The following PTGFRN variants were observed in gnomAD, a reference collection of about 807,000 sequenced individuals.
PTGFRN encodes the protein prostaglandin F2 receptor inhibitor.
A neutral mutation model predicts 83.2 loss-of-function variants in PTGFRN; 35 were observed. The ratio of observed to expected loss-of-function variants is 0.42; its 90% CI spans 0.32 to 0.56. The LOEUF is 0.56. PTGFRN is among the 20% of genes least tolerant of loss of function. The pLI, the probability that PTGFRN is intolerant of heterozygous loss-of-function variation, is 0.11. For synonymous variants in PTGFRN, 519 were observed against 498.6 expected, an observed-to-expected ratio of 1.04 and a Z score of -0.55; for missense variants, 1,051 against 1,179.5, an observed-to-expected ratio of 0.89 and a Z score of 1.60.
intron 3 of PTGFRN, among the ~76,000 whole-genome samples, chr1:116,945,851 G>A (rs1440950770): frequency 2.0e-5 from 3 of 150,810 alleles, no homozygotes; most frequent in Non-Finnish European, 4.4e-5. Flanking sequence ...ACATGGTCTT[G>A]TTGACTCATT....
At position 116,945,020 on chromosome 1, in the gene PTGFRN, G is replaced by A. The variant is rs532025214; in HGVS notation, c.760G>A (p.Ala254Thr). The change falls in exon 3 of 9, where the codon GCC becomes ACC. Residue 254 changes from alanine to threonine, a missense_variant. By Grantham distance (58) the Ala-to-Thr change is moderately conservative (BLOSUM62 0). Around this residue, in one of 3 missense-constraint regions of PTGFRN, gnomAD observed 719 missense variants for 836.6 expected, o/e 0.86. Coordinates refer to ENST00000393203, the MANE Select transcript of PTGFRN (RefSeq NM_020440.4). Reference protein sequence around the residue: ...SYRCIVSEWIAEQGNWQEIQE... With the variant: ...SYRCIVSEWITEQGNWQEIQE... The stretch of plus-strand genomic sequence containing the variant: ...CAGGTGTATCGTCAGCGAGTGGATC[G>A]CCGAGCAGGGCAACTGGCAGGAAAT... 13 of 1,613,864 alleles carry A rather than the reference G, an allele frequency of 8.1e-6. No homozygotes were observed. The highest frequency in any genetic ancestry group is 2.7e-5 in the African/African-American group (2 of 75,070).
At chr1:116,968,057 G>A (rs1650889850) in intron 6 of PTGFRN, among the ~76,000 whole-genome samples, 1 of 152,174 alleles carries the variant, frequency 6.6e-6, no homozygotes, top group Non-Finnish European at 1.5e-5. Context: ...CAAAGTGGAA[G>A]ATCTTTAACA....
At chr1:116,959,753 C>G (rs1650595517) in intron 4 of PTGFRN, among the ~76,000 whole-genome samples, 1 of 152,014 alleles carries the variant, frequency 6.6e-6, no homozygotes. Flanking sequence ...GTGGGCAGAT[C>G]ACTTGAGGTC....
chr1:116,985,281 G>A (rs556980561), intron 8 of PTGFRN, among the ~76,000 whole-genome samples: 6 of 152,306 alleles, frequency 3.9e-5, no homozygotes, highest in Non-Finnish European at 5.9e-5. Flanking sequence ...TATGGTGTCC[G>A]AGGGTTGGCA....
At chr1:116,924,031 G>C (rs1411599879) in intron 1 of PTGFRN, among the ~76,000 whole-genome samples, 2 of 152,096 alleles carry the variant, frequency 1.3e-5, no homozygotes, top group African/African-American at 4.8e-5. Context: ...TTAAAGAAAA[G>C]GGAGAGCATT....
At position 116,974,329 on chromosome 1, in the gene PTGFRN, T is replaced by C. The variant is rs1651085160; in HGVS notation, c.2167+6T>C. 7 of 1,578,114 alleles carry C rather than the reference T, an allele frequency of 4.4e-6. No homozygotes were observed. The South Asian group carries it at 7.8e-5, about 18-fold the overall frequency. ...GGGAGCAGCACTGGATCCAGGTACC[T>C]CACTCCATCCTCACCCCTTCACCAT... On this transcript the variant is annotated splice_donor_region_variant and intron_variant, in intron 7 of 8. Transcript: ENST00000393203.
At chr1:116,963,978 C>T (rs1004910154) in intron 5 of PTGFRN, among the ~76,000 whole-genome samples, 4 of 151,968 alleles carry the variant, frequency 2.6e-5, no homozygotes, top group Admixed American at 1.3e-4. Context: ...CAGGGTCTCA[C>T]TGTGTTGTCC....
At chr1:116,946,300 G>T (rs1017138729) in intron 3 of PTGFRN, among the ~76,000 whole-genome samples, 1 of 152,162 alleles carries the variant, frequency 6.6e-6, no homozygotes, top group African/African-American at 2.4e-5. Context: ...AAAAGTGGGT[G>T]GTGGAAAAGC....
At position 116,961,221 on chromosome 1, in the gene PTGFRN, G is replaced by A. The variant is rs1650651647; in HGVS notation, c.1214-22G>A. The A allele has an allele frequency of 6.7e-7, 1 of 1,498,948 alleles. No individual in the cohort carries two copies. The highest frequency in any genetic ancestry group is 1.4e-5 in the African/African-American group (1 of 71,394). 92.9% of individuals were successfully genotyped at this position (1,498,948 alleles called of 1,614,324 possible). A position where few individuals can be genotyped will look rare whatever the true frequency, so the allele number is the denominator to read the frequency against. On this transcript the variant is annotated intron_variant, in intron 4 of 8. Coordinates refer to ENST00000393203, the MANE Select transcript of PTGFRN (RefSeq NM_020440.4). The surrounding 1 kb of genome is among the most constrained non-coding windows in gnomAD (Gnocchi z 5.4). ...GTTACTCTAATTATTTTCCTATCCT[G>A]GCCTTTCTGTCTCTCGTTCAGAACC...
chr1:116,984,840 C>G lies in PTGFRN; in HGVS notation c.2328C>G (p.Phe776Leu). ...TGGAGCGCGTGAGTGTGCTGGAATT[C>G]TTGCTGCAAGTGCATGGCTCCGAGG... ...LSLERVSVLE[F>L]LLQVHGSEDQ... is the part of the protein sequence containing the mutation. The change falls in exon 8 of 9, where the codon TTC (phenylalanine) becomes TTG (leucine). Residue 776 changes from phenylalanine (F) to leucine (L), a missense_variant. Transcript: ENST00000393203. The G allele has an allele frequency of 6.2e-7, 1 of 1,614,076 alleles. No individual in the cohort carries two copies. Among genetic ancestry groups the G allele is most frequent in the South Asian group, 1.1e-5 (1 of 91,084 alleles).
chr1:116,949,545 C>T lies in PTGFRN; in HGVS notation c.1186C>T (p.Pro396Ser), dbSNP rs756123066. ...CAAAGTGGCAGAGGCCGTGTCTTCCCCAGCTGGTGTGGGTGTGACCTGGCT... is the reference window on the plus strand; with the variant it reads ...CAAAGTGGCAGAGGCCGTGTCTTCCTCAGCTGGTGTGGGTGTGACCTGGCT... Reference protein sequence around the residue: ...WHKVAEAVSSPAGVGVTWLEP... With the variant: ...WHKVAEAVSSSAGVGVTWLEP... Residue 396 changes from proline (P) to serine (S), a missense_variant, in exon 4 of 9, where the codon CCA becomes TCA. By Grantham distance (74) the Pro-to-Ser change is moderately conservative (BLOSUM62 -1). This residue lies in a region of PTGFRN where 719 missense variants were observed against 836.6 expected (regional missense o/e 0.86). Transcript: ENST00000393203. 1.5e-5 allele frequency: 25 copies of T among 1,613,450 alleles called. No homozygotes were observed. The highest frequency in any genetic ancestry group is 1.9e-5 in the Non-Finnish European group (22 of 1,179,946).
rs527277735 is a variant in PTGFRN at position 116,911,914 on chromosome 1, G to GTCAA, written c.49+1663_49+1666dup. Among the ~76,000 whole-genome samples the GTCAA allele has an allele frequency of 2.8e-4, 42 of 152,322 alleles. No individual in the cohort carries two copies. The East Asian group carries it at 7.7e-3, about 28-fold the overall frequency. On this transcript the variant is annotated intron_variant, in intron 1 of 8. Coordinates refer to ENST00000393203, the MANE Select transcript of PTGFRN (RefSeq NM_020440.4). ...ACATTAATTGACTTTATGTGTCTGG[G>GTCAA]TCAAGCAGGGCCATGGCCTAGGTTT...
At chr1:116,967,366 T>A (rs754673324) in intron 6 of PTGFRN, 36 bp downstream of exon 6, 1 of 1,572,388 alleles carries the variant, frequency 6.4e-7, no homozygotes, top group Non-Finnish European at 8.6e-7. Context: ...TAGGTGGAGC[T>A]AGAAGAGACC....
At position 116,941,292 on chromosome 1, in the gene PTGFRN, G is replaced by A. The variant is rs1356235271; in HGVS notation, c.50-423G>A. On this transcript the variant is annotated intron_variant, in intron 1 of 8. Transcript: ENST00000393203. This position sits in a 1 kb window ranked among gnomAD's most constrained non-coding sequence, Gnocchi z 5.0. ...TAAATCAGGTCTCAGGAGCCCCAGG[G>A]AATGGTCTCTAGGGATGAGGGCTGA... is the stretch of plus-strand genomic sequence containing the variant. 1.3e-5 allele frequency among the ~76,000 whole-genome samples: 2 copies of A among 152,212 alleles called. No homozygotes were observed. Among genetic ancestry groups the A allele is most frequent in the African/African-American group, 4.8e-5 (2 of 41,456 alleles).
rs560862452 is a variant in PTGFRN at position 116,921,974 on chromosome 1, A to G, written c.49+11722A>G. 1.9e-4 allele frequency among the ~76,000 whole-genome samples: 29 copies of G among 152,256 alleles called. No individual in the cohort carries two copies. The East Asian group carries it at 5.4e-3, about 28-fold the overall frequency. On this transcript the variant is annotated intron_variant, in intron 1 of 8. Coordinates refer to ENST00000393203, the MANE Select transcript of PTGFRN (RefSeq NM_020440.4). ...CAGAGGTGGGAGTAGATAAATGTGT[A>G]CAGGTTGGTGTCCCATTTGGGGATT...
intron 6 of PTGFRN, among the ~76,000 whole-genome samples, chr1:116,970,890 C>G (rs1650976462): frequency 6.6e-6 from 1 of 152,196 alleles, no homozygotes; most frequent in Admixed American, 6.5e-5. Context: ...GTATTAAAAA[C>G]CAAGGGGCCC....
rs761431637 is a variant in PTGFRN, at chr1:116,984,728, T to C, written c.2216T>C (p.Leu739Pro). ...VSWFAVHSFG[L>P]DKAPVLLSSL... ...TGGTTTGCGGTGCACTCTTTTGGCC[T>C]GGACAAGGCTCCTGTGCTCCTGTCT... The change falls in exon 8 of 9, where the codon CTG (leucine) becomes CCG (proline). Residue 739 changes from leucine (L) to proline (P), a missense_variant. Leu to Pro is a moderately conservative substitution (Grantham distance 98). This residue lies in a region of PTGFRN where 719 missense variants were observed against 836.6 expected (regional missense o/e 0.86). Transcript: ENST00000393203. 1.2e-5 allele frequency: 20 copies of C among 1,614,094 alleles called. No homozygotes were observed. The highest frequency in any genetic ancestry group is 1.7e-5 in the Non-Finnish European group (20 of 1,180,050).
chr1:116,911,836 C>G (rs1287604473), intron 1 of PTGFRN, among the ~76,000 whole-genome samples: 3 of 152,198 alleles, frequency 2.0e-5, no homozygotes, highest in Non-Finnish European at 4.4e-5. Flanking sequence ...ACTTTTCACT[C>G]TGGGACCCTT....
rs778357274 is a variant in PTGFRN at position 116,944,880 on chromosome 1, C to T, written c.620C>T (p.Pro207Leu). 2 of 1,608,828 alleles carry T rather than the reference C, an allele frequency of 1.2e-6. No homozygotes were observed. Among genetic ancestry groups the T allele is most frequent in the South Asian group, 1.1e-5 (1 of 90,710 alleles). Reference sequence around the variant, plus strand: ...CTGACCCACGAGGGCAGGTTCCACCCGGGCCTGGGGTACGAGCAGCGCTAC... The same window carrying T: ...CTGACCCACGAGGGCAGGTTCCACCTGGGCCTGGGGTACGAGCAGCGCTAC... ...LALTHEGRFH[P>L]GLGYEQRYHS... Residue 207 changes from proline (P) to leucine (L), a missense_variant, in exon 3 of 9, where the codon CCG (proline) becomes CTG (leucine). Transcript: ENST00000393203.
Sources: gnomAD v4.1 joint callset for allele counts (sites outside exome capture counted in the v4.1 genomes callset) on GRCh38, gnomAD v4.1.1 for gene constraint, gnomAD v4.1.1 regional missense constraint, Gnocchi (gnomAD v3.1) non-coding constraint, MANE v1.5 for transcripts, NCBI Gene and HGNC (gene_info 2026-07-23, HGNC 2026-07-21) for gene names.